Variants in TENM2 observed in about 807,000 individuals in gnomAD.
The protein encoded by TENM2 is teneurin-2.
TENM2 carries 52 observed loss-of-function variants against 245.2 expected under a neutral mutation model. The observed-to-expected ratio is 0.21, with a 90% CI of 0.17 to 0.27. The LOEUF is 0.27. Ranked by LOEUF, TENM2 falls within the 10% of genes least tolerant of loss-of-function variation. TENM2 has a pLI of 1.00. For missense variants in TENM2, 3,046 were observed against 3,666.8 expected, an observed-to-expected ratio of 0.83 and a Z score of 4.37; for synonymous variants, 1,363 against 1,438.9, an observed-to-expected ratio of 0.95 and a Z score of 1.19.
At chr5:167,766,134 A>T (rs1763003844) in intron 2 of TENM2, among the ~76,000 whole-genome samples, 1 of 152,194 alleles carries the variant, frequency 6.6e-6, no homozygotes, top group Non-Finnish European at 1.5e-5. Flanking sequence ...AATCACGAGG[A>T]GGGGAGCCAC....
At chr5:168,146,992 A>G (rs2152416029) in intron 12 of TENM2, among the ~76,000 whole-genome samples, 1 of 152,282 alleles carries the variant, frequency 6.6e-6, no homozygotes, top group South Asian at 2.1e-4. Context: ...ATGGAGGACA[A>G]TTCCCCTTTT....
At chr5:167,385,406 C>T (rs1761359486) in intron 2 of TENM2, among the ~76,000 whole-genome samples, 1 of 149,168 alleles carries the variant, frequency 6.7e-6, no homozygotes, top group African/African-American at 2.5e-5. Context: ...TCTTTATTTA[C>T]TTTAATTTTT....
At chr5:167,563,255 T>G (rs1188552188) in intron 2 of TENM2, among the ~76,000 whole-genome samples, 1 of 152,220 alleles carries the variant, frequency 6.6e-6, no homozygotes, top group Non-Finnish European at 1.5e-5. Flanking sequence ...CCACTTGCCT[T>G]TTAAATTCAA....
intron 20 of TENM2, among the ~76,000 whole-genome samples, chr5:168,214,019 A>G (rs1000844123): frequency 6.6e-6 from 1 of 152,230 alleles, no homozygotes; most frequent in Non-Finnish European, 1.5e-5. Flanking sequence ...AAAGGGAAGA[A>G]CTGCAGGGTT....
At chr5:167,790,408 G>T (rs977138273) in intron 2 of TENM2, among the ~76,000 whole-genome samples, 1 of 152,170 alleles carries the variant, frequency 6.6e-6, no homozygotes, top group Admixed American at 6.5e-5. Flanking sequence ...GTAAAGCGAT[G>T]TTCGACTCTG....
At chr5:167,781,401 G>C (rs1764177901) in intron 2 of TENM2, among the ~76,000 whole-genome samples, 1 of 152,134 alleles carries the variant, frequency 6.6e-6, no homozygotes, top group South Asian at 2.1e-4. Flanking sequence ...AAAATATTAA[G>C]TAAATAATAA....
exon 16 of TENM2, chr5:168,198,898 T>C (rs756038101): frequency 6.2e-7 from 1 of 1,614,052 alleles, no homozygotes; most frequent in Admixed American, 1.7e-5. Flanking sequence ...CTCTACACTT[T>C]GAGCGAGCCC....
chr5:167,379,723 C>T (rs1760980436), intron 2 of TENM2, among the ~76,000 whole-genome samples: 1 of 151,972 alleles, frequency 6.6e-6, no homozygotes, highest in African/African-American at 2.4e-5. Flanking sequence ...TAGCCAAAGG[C>T]CCATAATTTT....
At chr5:167,321,801 T>G (rs947919891) in intron 1 of TENM2, among the ~76,000 whole-genome samples, 9 of 7,280 alleles carry the variant, frequency 1.2e-3, no homozygotes, top group East Asian at 0.012. Flanking sequence ...TTTTTTTTTT[T>G]GGGGGGGGGG....
intron 1 of TENM2, among the ~76,000 whole-genome samples, chr5:167,346,224 C>T (rs959146250): frequency 4.6e-5 from 7 of 152,174 alleles, no homozygotes; most frequent in Admixed American, 1.3e-4. Context: ...GAAAAATGAC[C>T]GTCAAACAAG....
chr5:167,300,705 G>A (rs990396697), intron 1 of TENM2, among the ~76,000 whole-genome samples: 1 of 152,124 alleles, frequency 6.6e-6, no homozygotes, highest in Non-Finnish European at 1.5e-5. Context: ...TGGTCGATAA[G>A]GAAGGAGTAG....
At chr5:166,981,311 T>C in the TENM2 span, among the ~76,000 whole-genome samples, 18 of 152,198 alleles carry the variant, frequency 1.2e-4, no homozygotes, top group African/African-American at 3.9e-4. Flanking sequence ...TAAAATATTT[T>C]CATGGACCTT....
At chr5:167,615,192 G>A (rs1166662891) in intron 2 of TENM2, among the ~76,000 whole-genome samples, 1 of 152,014 alleles carries the variant, frequency 6.6e-6, no homozygotes, top group African/African-American at 2.4e-5. Context: ...ATTCTGGACT[G>A]TCCTGTTACC....
At chr5:167,040,676 C>A in the TENM2 span, among the ~76,000 whole-genome samples, 1 of 152,222 alleles carries the variant, frequency 6.6e-6, no homozygotes, top group South Asian at 2.1e-4. Context: ...AATTACCATG[C>A]AAAGGGAAAA....
chr5:167,571,957 C>G (rs1774292646), intron 2 of TENM2, among the ~76,000 whole-genome samples: 1 of 152,218 alleles, frequency 6.6e-6, no homozygotes, highest in Non-Finnish European at 1.5e-5. Context: ...CACCACTTCC[C>G]TCCCTGCTAG....
intron 10 of TENM2, among the ~76,000 whole-genome samples, chr5:168,123,363 C>G (rs1795613896): frequency 6.6e-6 from 1 of 152,138 alleles, no homozygotes; most frequent in South Asian, 2.1e-4. Context: ...AAAAAAGACA[C>G]TCAGCATAAA....
At chr5:167,125,100 C>A in the TENM2 span, among the ~76,000 whole-genome samples, 1 of 152,164 alleles carries the variant, frequency 6.6e-6, no homozygotes, top group Non-Finnish European at 1.5e-5. Context: ...AGAAAAGAGT[C>A]CAGCAAACTG....
At chr5:168,040,960 G>T (rs933072696) in intron 5 of TENM2, among the ~76,000 whole-genome samples, 3 of 152,206 alleles carry the variant, frequency 2.0e-5, no homozygotes, top group African/African-American at 7.2e-5. Context: ...GGACATATTC[G>T]TAGAGACTAA....
At chr5:168,149,499 C>T (rs953085724) in intron 12 of TENM2, 36 of 393,064 alleles carry the variant, frequency 9.2e-5, no homozygotes, top group African/African-American at 5.4e-4. Flanking sequence ...CTTCCCTTTC[C>T]GAGGCATGTT....
Sources: gnomAD v4.1 joint callset for allele counts (sites outside exome capture counted in the v4.1 genomes callset) on GRCh38, gnomAD v4.1.1 for gene constraint, MANE v1.5 for transcripts, NCBI Gene and HGNC (gene_info 2026-07-23, HGNC 2026-07-21) for gene names.